The following FLT4 variants were observed in gnomAD, a reference collection of about 807,000 sequenced individuals.
FLT4 encodes fms related receptor tyrosine kinase 4.
A neutral mutation model predicts 163.2 loss-of-function variants in FLT4; 30 were observed. The ratio of observed to expected loss-of-function variants is 0.18; its 90% confidence interval spans 0.14 to 0.25. The LOEUF (loss-of-function observed/expected upper bound fraction) is 0.25, where lower values mean the gene tolerates loss of function less well. FLT4 is among the 10% of genes least tolerant of loss of function. The pLI is 1.00. For synonymous variants in FLT4, 884 were observed against 789.5 expected (o/e 1.12, Z -2.01); for missense variants, 1,510 against 1,863.8 (o/e 0.81, Z 3.50).
intron 2 of FLT4, among the ~76,000 whole-genome samples, chr5:180,631,451 T>A (rs307818): frequency 4.2e-4 from 63 of 151,502 alleles, no homozygotes; most frequent in African/African-American, 1.4e-3. Flanking sequence ...CCAGCCTGGG[T>A]GACAGAGTGA....
Position 180,620,208 on chromosome 5 carries a change from C to G in FLT4, c.2507G>C (p.Ser836Thr). Reference sequence around the variant, plus strand: ...CCGCTCTCGGGGGAATTCCCACTGGCTGGCATCGTAGGACAGGTATTCGCA... The same window carrying G: ...CCGCTCTCGGGGGAATTCCCACTGGGTGGCATCGTAGGACAGGTATTCGCA... The part of the protein sequence containing the change: ...EQCEYLSYDA[S>T]QWEFPRERLH... Residue 836 changes from serine (S) to threonine (T), a missense_variant, in exon 17 of 30, where the codon AGC becomes ACC. Physicochemically the swap from Ser to Thr is moderately conservative, Grantham distance 58 (BLOSUM62 1). Transcript: ENST00000261937. This position sits in a 1 kb window ranked among gnomAD's most constrained non-coding sequence, Gnocchi z 4.4. 1 of 1,610,526 alleles carries G rather than the reference C, an allele frequency of 6.2e-7. No homozygotes were observed. The highest frequency in any genetic ancestry group is 8.5e-7 in the Non-Finnish European group (1 of 1,179,914).
intron 8 of FLT4, among the ~76,000 whole-genome samples, chr5:180,627,551 T>G (rs997974569): frequency 2.0e-5 from 3 of 151,972 alleles, no homozygotes; most frequent in Admixed American, 2.0e-4. Context: ...TCTGTGTGTT[T>G]GCTAGACCGT....
At position 180,619,800 on chromosome 5, in the gene FLT4, G is replaced by A. The variant is rs781218803; in HGVS notation, c.2543-31C>T. On this transcript the variant is annotated intron_variant, in intron 17 of 29. Transcript: ENST00000261937. Reference sequence around the variant, plus strand: ...GGGGCAGGGGGCCAGTTGCAGGTGAGCTGTACGGGGTGAGCGTGGAGACAG... The same window carrying A: ...GGGGCAGGGGGCCAGTTGCAGGTGAACTGTACGGGGTGAGCGTGGAGACAG... 4.6e-6 allele frequency: 7 copies of A among 1,536,476 alleles called. No individual in the cohort carries two copies. In the East Asian group the frequency reaches 6.7e-5, roughly 15 times the overall value.
chr5:180,643,221 C>T (rs1033865745), intron 1 of FLT4, among the ~76,000 whole-genome samples: 1 of 152,258 alleles, frequency 6.6e-6, no homozygotes, highest in African/African-American at 2.4e-5. Context: ...CCTGACCCCG[C>T]TCATCCCCCA....
rs146456244 is a variant in FLT4, at chr5:180,621,218, G to C, written c.2055C>G (p.Thr685=). 1 of 1,612,646 alleles carries C rather than the reference G, an allele frequency of 6.2e-7. No individual in the cohort carries two copies. The highest frequency in any genetic ancestry group is 8.5e-7 in the Non-Finnish European group (1 of 1,179,936). The change falls in exon 14 of 30, where the codon ACC becomes ACG. Residue 685 remains threonine (T), a synonymous_variant. Transcript: ENST00000261937. ...AGTCGCTCACGTTCACCAGGAGGTC[G>C]GTCAAGTTCTGCGTGAGCCGAGGGG... The part of the protein sequence containing the change: ...LEAPRLTQNL[T]DLLVNVSDSL...
intron 18 of FLT4, 149 bp downstream of exon 18, chr5:180,619,516 G>A (rs1762960102): frequency 1.0e-6 from 1 of 961,928 alleles, no homozygotes; most frequent in Non-Finnish European, 1.7e-6. Flanking sequence ...GTGGTCCCTC[G>A]GCTCTGAAGC....
chr5:180,627,580 C>A (rs1425502505), intron 8 of FLT4, among the ~76,000 whole-genome samples: 1 of 152,228 alleles, frequency 6.6e-6, no homozygotes, highest in African/African-American at 2.4e-5. Context: ...TCAGTGCTCG[C>A]CATCGTCATG....
intron 6 of FLT4, 65 bp downstream of exon 6, chr5:180,629,631 G>A: frequency 2.5e-6 from 4 of 1,569,814 alleles, no homozygotes; most frequent in Non-Finnish European, 3.5e-6. Flanking sequence ...CGGAGGCCCA[G>A]TGTGTGCTGT....
At chr5:180,642,004 T>G (rs185811420) in intron 1 of FLT4, among the ~76,000 whole-genome samples, 103 of 152,104 alleles carry the variant, frequency 6.8e-4, no homozygotes, top group African/African-American at 2.0e-3. Context: ...GTCAAGAGAT[T>G]GAGACCATCC....
At chr5:180,631,843 G>GCCCA in intron 1 of FLT4, 65 bp from the exon 2 acceptor site, 2 of 1,147,012 alleles carry the variant, frequency 1.7e-6, no homozygotes, top group Non-Finnish European at 2.6e-6. Flanking sequence ...GATGGGGCAT[G>GCCCA]GCTGGGCATT....
At chr5:180,628,189 A>G (rs1384953375) in intron 8 of FLT4, among the ~76,000 whole-genome samples, 1 of 152,152 alleles carries the variant, frequency 6.6e-6, no homozygotes, top group African/African-American at 2.4e-5. Context: ...CGTCTATGCA[A>G]TGGGGACTCA....
In FLT4 at chr5:180,644,631, A is replaced by T. The variant is rs1003293630; in HGVS notation, c.58+4857T>A. 5.3e-5 allele frequency among the ~76,000 whole-genome samples: 8 copies of T among 152,340 alleles called. No individual in the cohort carries two copies. The East Asian group carries it at 1.5e-3, about 29-fold the overall frequency. ...GCCTGAATTTCCTAATCTCCAAAAT[A>T]AGCATAATAAGGTCTGCGTGACGAG... is the stretch of plus-strand genomic sequence containing the variant. On this transcript the variant is annotated intron_variant, in intron 1 of 29. Transcript: ENST00000261937.
chr5:180,606,912 AAAAC>A lies in FLT4; in HGVS notation c.3893+2052_3893+2055del, dbSNP rs66851547. Among the ~76,000 whole-genome samples, 21 of 108,036 alleles carry A rather than the reference AAAAC, an allele frequency of 1.9e-4. No individual in the cohort carries two copies. In the East Asian group the frequency reaches 3.7e-3, roughly 19 times the overall value. 70.9% of individuals were successfully genotyped at this position (108,036 alleles called of 152,430 possible). A position where few individuals can be genotyped will look rare whatever the true frequency, so the allele number is the denominator to read the frequency against. Reference sequence around the variant, plus strand: ...CTCTACTAAAAAAAAAAAAAAAAAAAAAACAAACAAACAAACTTAGCTGGGCGTG... The same window carrying A: ...CTCTACTAAAAAAAAAAAAAAAAAAAAAACAAACAAACTTAGCTGGGCGTG... On this transcript the variant is annotated intron_variant, in intron 29 of 29. Transcript: ENST00000261937.
At chr5:180,614,420 C>A (rs111544682) in intron 23 of FLT4, among the ~76,000 whole-genome samples, 3 of 152,064 alleles carry the variant, frequency 2.0e-5, no homozygotes, top group African/African-American at 7.2e-5. Flanking sequence ...TCTGTCTGGG[C>A]CCCTCTCCCT....
Position 180,636,513 on chromosome 5 carries a change from C to T in FLT4, c.59-4735G>A, listed in dbSNP as rs1581698862. On this transcript the variant is annotated intron_variant, in intron 1 of 29. Coordinates refer to ENST00000261937, the MANE Select transcript of FLT4 (RefSeq NM_182925.5). This position sits in a 1 kb window ranked among gnomAD's most constrained non-coding sequence, Gnocchi z 4.3. ...CATCAGCTGCACCCCCCCGTCACTT[C>T]CCCTCATTCTCTGCTGACCGTAGCT... 7.1e-6 allele frequency among the ~76,000 whole-genome samples: 1 copy of T among 141,726 alleles called. No individual in the cohort carries two copies. Among genetic ancestry groups the T allele is most frequent in the Non-Finnish European group, 1.5e-5 (1 of 64,624 alleles). 93.0% of individuals were successfully genotyped at this position (141,726 alleles called of 152,430 possible). A position where few individuals can be genotyped will look rare whatever the true frequency, so the allele number is the denominator to read the frequency against.
At position 180,603,360 on chromosome 5, in the gene FLT4, C is replaced by A. The variant is rs1248961098; in HGVS notation, c.3924G>T (p.Val1308=). ...SCKGPGQNVA[V]TRAHPDSQGR... is the part of the protein sequence containing the mutation. ...CTTGGGAGTCAGGGTGTGCCCTGGT[C>A]ACAGCCACATTCTGGCCAGGTCCTT... Residue 1308 remains valine, a synonymous_variant, in exon 30 of 30, where the codon GTG becomes GTT. Transcript: ENST00000261937. 1 of 1,614,078 alleles carries A rather than the reference C, an allele frequency of 6.2e-7. No individual in the cohort carries two copies. Among genetic ancestry groups the A allele is most frequent in the Admixed American group, 1.7e-5 (1 of 60,008 alleles).
Position 180,613,717 on chromosome 5 carries a change from G to A in FLT4, c.3331+351C>T, listed in dbSNP as rs373485300. The A allele has an allele frequency of 4.3e-5, 17 of 398,514 alleles. 1 individual carries two copies. Among genetic ancestry groups the A allele is most frequent in the Admixed American group, 3.6e-4 (10 of 28,064 alleles). 24.7% of individuals were successfully genotyped at this position (398,514 alleles called of 1,614,324 possible). A position where few individuals can be genotyped will look rare whatever the true frequency, so the allele number is the denominator to read the frequency against. On this transcript the variant is annotated intron_variant, in intron 24 of 29. Coordinates refer to ENST00000261937, the MANE Select transcript of FLT4 (RefSeq NM_182925.5). ...CTGGCCTGGAGACTTCATCATGCTC[G>A]CAGCGGGGCCTGAGTTCCCACATGG...
rs762925852 is a variant in FLT4 at position 180,612,580 on chromosome 5, C to T, written c.3463G>A (p.Asp1155Asn). ...GAGAATGCAGGTCTCGCCTTGGGGT[C>T]TCCGGACCAGCAGTTCAGCATGATG... ...RRIMLNCWSGDPKARPAFSEL... is the reference protein window; with the variant it reads ...RRIMLNCWSGNPKARPAFSEL... The change falls in exon 26 of 30, where the codon GAC becomes AAC. Residue 1155 changes from aspartate to asparagine, a missense_variant. By Grantham distance (23) the Asp-to-Asn change is conservative. Around this residue, in one of 5 missense-constraint regions of FLT4, gnomAD observed 295 missense variants for 311.0 expected, o/e 0.95. Transcript: ENST00000261937. 2 of 1,614,046 alleles carry T rather than the reference C, an allele frequency of 1.2e-6. No homozygotes were observed. Among genetic ancestry groups the T allele is most frequent in the South Asian group, 2.2e-5 (2 of 91,082 alleles).
At chr5:180,612,464 G>A (rs761015710) in intron 26 of FLT4, 42 bp downstream of exon 26, 4 of 1,461,594 alleles carry the variant, frequency 2.7e-6, no homozygotes, top group South Asian at 2.3e-5. Context: ...CCCAGGGCAG[G>A]GGCCAAAGGC....
Sources: allele counts gnomAD v4.1 joint callset (sites outside exome capture counted in the v4.1 genomes callset), GRCh38; gene constraint gnomAD v4.1.1; regional missense constraint gnomAD v4.1.1; non-coding constraint Gnocchi (gnomAD v3.1); transcripts MANE v1.5; gene names NCBI Gene and HGNC (gene_info 2026-07-23, HGNC 2026-07-21).